Variants in FHAD1 observed in about 807,000 individuals in gnomAD.
FHAD1 encodes forkhead-associated domain-containing protein 1.
FHAD1 carries 146 observed loss-of-function variants against 191.3 expected under a neutral mutation model. That is an observed-to-expected ratio of 0.76 (90% CI 0.67 to 0.88). FHAD1 has a LOEUF of 0.88. Among genes scored for constraint, FHAD1 ranks in the 40% least tolerant of loss-of-function variants. The probability of loss-of-function intolerance (pLI) is 0.00; values close to 1 mark genes in which losing one functional copy is unlikely to be tolerated. For missense variants in FHAD1, 1,635 were observed against 1,785.8 expected, an observed-to-expected ratio of 0.92 and a Z score of 1.52; for synonymous variants, 616 against 672.3, an observed-to-expected ratio of 0.92 and a Z score of 1.29.
At chr1:15,333,824 C>CTTTTTTTTTTTTTTTTTT (rs55698715) in intron 14 of FHAD1, among the ~76,000 whole-genome samples, 24 of 64,812 alleles carry the variant, frequency 3.7e-4, no homozygotes, top group Non-Finnish European at 5.9e-4. Flanking sequence ...TTTTATTTAT[C>CTTTTTTTTTTTTTTTTTT]TTTTTTTTTT....
intron 12 of FHAD1, chr1:15,328,044 A>AG (rs1364035445): frequency 3.8e-6 from 1 of 260,788 alleles, no homozygotes; most frequent in Non-Finnish European, 7.2e-6. Context: ...AAAAAAAAAA[A>AG]AAAGAAAAGA....
At chr1:15,352,041 C>T (rs1332550801) in intron 19 of FHAD1, among the ~76,000 whole-genome samples, 2 of 152,076 alleles carry the variant, frequency 1.3e-5, no homozygotes, top group East Asian at 3.8e-4. Context: ...GCCAATAATA[C>T]CTGTGCATTA....
chr1:15,321,760 CGT>C, intron 10 of FHAD1, among the ~76,000 whole-genome samples: 1 of 152,126 alleles, frequency 6.6e-6, no homozygotes, highest in East Asian at 1.9e-4. Flanking sequence ...TGTGCAAGCA[CGT>C]GTGTGCATAT....
At position 15,329,500 on chromosome 1, in the gene FHAD1, T is replaced by C. The variant is rs200096786; in HGVS notation, c.1865T>C (p.Leu622Pro). Reference sequence around the variant, plus strand: ...TCCTGGCTGGAGGAGGTGGAGCAGCTCCTCCGGGACCTCGGGATCCTGCCC... The same window carrying C: ...TCCTGGCTGGAGGAGGTGGAGCAGCCCCTCCGGGACCTCGGGATCCTGCCC... ...ALSWLEEVEQ[L>P]LRDLGILPSS... The change falls in exon 14 of 34, where the codon CTC becomes CCC. Residue 622 changes from leucine to proline, a missense_variant. Transcript: ENST00000688493. This position sits in a 1 kb window ranked among gnomAD's most constrained non-coding sequence, Gnocchi z 5.0. 2 of 1,550,860 alleles carry C rather than the reference T, an allele frequency of 1.3e-6. No homozygotes were observed. The highest frequency in any genetic ancestry group is 2.0e-5 in the Admixed American group (1 of 50,982).
At chr1:15,392,592 A>G (rs1704459746) in intron 33 of FHAD1, among the ~76,000 whole-genome samples, 2 of 152,174 alleles carry the variant, frequency 1.3e-5, no homozygotes, top group South Asian at 2.1e-4. Context: ...TCCGTCCTCT[A>G]TAGTGTGCTT....
At chr1:15,245,801 T>C (rs1645951140), upstream of FHAD1, among the ~76,000 whole-genome samples, 1 of 152,208 alleles carries the variant, frequency 6.6e-6, no homozygotes, top group South Asian at 2.1e-4. Context: ...TGCACATTCC[T>C]GGATTATGTC....
intron 14 of FHAD1, among the ~76,000 whole-genome samples, chr1:15,330,466 A>AT (rs1226874277): frequency 6.6e-6 from 1 of 152,178 alleles, no homozygotes; most frequent in African/African-American, 2.4e-5. Context: ...TACATTTGAA[A>AT]TTTTTTATAA....
chr1:15,325,337 G>C lies in FHAD1; in HGVS notation c.1473+778G>C, dbSNP rs1678059865. 1 of 151,974 alleles carries C rather than the reference G, an allele frequency of 6.6e-6. No homozygotes were observed. Among genetic ancestry groups the C allele is most frequent in the Admixed American group, 6.5e-5 (1 of 15,276 alleles). The allele number at this position is 151,974 out of a possible 1,614,324, so 9.4% of individuals were successfully genotyped here. On this transcript the variant is annotated intron_variant, in intron 11 of 33. Transcript: ENST00000688493. The surrounding 1 kb of genome is among the most constrained non-coding windows in gnomAD (Gnocchi z 4.6). ...CACACACACGTGTGTGTGCGTGTGT[G>C]TGTGTGTATTACTGGGAAGGAGGGC... is the stretch of plus-strand genomic sequence containing the variant.
chr1:15,360,309 T>G (rs1424039654), intron 21 of FHAD1, among the ~76,000 whole-genome samples, 169 bp from the exon 22 acceptor site: 1 of 152,132 alleles, frequency 6.6e-6, no homozygotes. Context: ...AAGAAGGAGT[T>G]GGCCATGCAA....
intron 3 of FHAD1, among the ~76,000 whole-genome samples, chr1:15,277,426 C>A (rs578056632): frequency 6.6e-6 from 1 of 152,334 alleles, no homozygotes; most frequent in South Asian, 2.1e-4. Flanking sequence ...TAACCACAGG[C>A]TCCCTTTCCC....
At chr1:15,383,212 A>G in intron 31 of FHAD1, 1 of 471,334 alleles carries the variant, frequency 2.1e-6, no homozygotes, top group Non-Finnish European at 4.4e-6. Context: ...GAAAGAATGC[A>G]GGCATCCCTC....
chr1:15,272,647 C>A, intron 3 of FHAD1, 118 bp downstream of exon 3: 1 of 903,528 alleles, frequency 1.1e-6, no homozygotes, highest in Non-Finnish European at 1.7e-6. Context: ...GCACGCTGCA[C>A]ACAGGCAGCA....
rs1294997814 is a variant in FHAD1 at position 15,318,255 on chromosome 1, G to T, written c.1365+327G>T. Among the ~76,000 whole-genome samples, 3 of 152,126 alleles carry T rather than the reference G, an allele frequency of 2.0e-5. No homozygotes were observed. Among genetic ancestry groups the T allele is most frequent in the Admixed American group, 6.5e-5 (1 of 15,286 alleles). ...TTTCGTGTTGCTTAATTATTTTAAT[G>T]TCCCTTCCCATCATGGGAAAAAAAA... On this transcript the variant is annotated intron_variant, in intron 10 of 33. Coordinates refer to ENST00000688493, the MANE Select transcript of FHAD1 (RefSeq NM_001391957.1). This position sits in a 1 kb window ranked among gnomAD's most constrained non-coding sequence, Gnocchi z 4.1.
In FHAD1 at chr1:15,337,076, C is replaced by T. The variant is rs143078294; in HGVS notation, c.1907-2405C>T. Among the ~76,000 whole-genome samples, 506 of 152,348 alleles carry T rather than the reference C, an allele frequency of 3.3e-3. 1 individual carries two copies. The highest frequency in any genetic ancestry group is 5.8e-3 in the Non-Finnish European group (392 of 68,036). On this transcript the variant is annotated intron_variant, in intron 14 of 33. Coordinates refer to ENST00000688493, the MANE Select transcript of FHAD1 (RefSeq NM_001391957.1). ...AGGAGGGGCTGCCAGGAAAGTGGTG[C>T]AGGGAGTCCAGCCAAGGCAGTAGGT...
intron 15 of FHAD1, among the ~76,000 whole-genome samples, chr1:15,340,736 G>A (rs1330293309): frequency 6.6e-6 from 1 of 152,092 alleles, no homozygotes; most frequent in East Asian, 1.9e-4. Context: ...TGAGTCCAGG[G>A]ATTGGCAACT....
chr1:15,248,387 G>C (rs545969072), intron 1 of FHAD1, among the ~76,000 whole-genome samples: 1 of 136,110 alleles, frequency 7.3e-6, no homozygotes, highest in East Asian at 1.9e-4. Flanking sequence ...AGCACAGCAG[G>C]CACTGTGAGC....
chr1:15,285,772 C>G (rs1662219134), intron 3 of FHAD1, among the ~76,000 whole-genome samples: 1 of 152,104 alleles, frequency 6.6e-6, no homozygotes, highest in African/African-American at 2.4e-5. Flanking sequence ...TCATTATGCA[C>G]AATAGCCAAG....
At position 15,375,652 on chromosome 1, in the gene FHAD1, A is replaced by C; in HGVS notation, c.3627A>C (p.Arg1209Ser). Reference sequence around the variant, plus strand: ...CATTTCTAGATTTAAAGAACCTCAGAATGGAAAACAATGTCCAGAAAATAC... The same window carrying C: ...CATTTCTAGATTTAAAGAACCTCAGCATGGAAAACAATGTCCAGAAAATAC... ...NESFLDLKNLRMENNVQKILL... is the reference protein window; with the variant it reads ...NESFLDLKNLSMENNVQKILL... The change falls in exon 28 of 34, where the codon AGA (arginine) becomes AGC (serine). Residue 1209 changes from arginine to serine, a missense_variant. Arg to Ser is a moderately radical substitution (Grantham distance 110). Coordinates refer to ENST00000688493, the MANE Select transcript of FHAD1 (RefSeq NM_001391957.1). 1 of 1,547,914 alleles carries C rather than the reference A, an allele frequency of 6.5e-7. No homozygotes were observed.
At position 15,328,254 on chromosome 1, in the gene FHAD1, TTCC is replaced by T; in HGVS notation, c.1558-21_1558-19del. On this transcript the variant is annotated intron_variant, in intron 12 of 33. Coordinates refer to ENST00000688493, the MANE Select transcript of FHAD1 (RefSeq NM_001391957.1). ...TGTATGTTACATCTTTTTTTTTTTTTTCCTTTTTCTTTTTCTCACCAGTTAATA... is the reference window on the plus strand; with the variant it reads ...TGTATGTTACATCTTTTTTTTTTTTTTTTTTCTTTTTCTCACCAGTTAATA... 6.8e-7 allele frequency: 1 copy of T among 1,476,302 alleles called. No homozygotes were observed. The allele number at this position is 1,476,302 out of a possible 1,614,324, so 91.5% of individuals were successfully genotyped here. A position where few individuals can be genotyped will look rare whatever the true frequency, so the allele number is the denominator to read the frequency against.
Sources: allele counts gnomAD v4.1 joint callset (sites outside exome capture counted in the v4.1 genomes callset), GRCh38; gene constraint gnomAD v4.1.1; non-coding constraint Gnocchi (gnomAD v3.1); transcripts MANE v1.5; gene names NCBI Gene and HGNC (gene_info 2026-07-23, HGNC 2026-07-21).